Variants in IQANK1 observed in about 807,000 individuals in gnomAD.
IQANK1 encodes IQ motif and ankyrin repeat containing 1.
In IQANK1, 30 loss-of-function variants were observed where a neutral mutation model predicts 22.6. That is an observed-to-expected ratio of 1.33 (90% CI 0.99 to 1.80). The LOEUF (loss-of-function observed/expected upper bound fraction) is 1.80. Among genes scored for constraint, IQANK1 ranks in the 40% most tolerant of loss-of-function variants. The pLI is 0.00. For missense variants in IQANK1, 275 were observed against 235.2 expected, an observed-to-expected ratio of 1.17 and a Z score of -1.11; for synonymous variants, 122 against 99.6, an observed-to-expected ratio of 1.23 and a Z score of -1.34.
chr8:143,778,372 A>G (rs781977120), intron 7 of IQANK1, among the ~76,000 whole-genome samples: 29 of 152,348 alleles, frequency 1.9e-4, no homozygotes, highest in African/African-American at 4.6e-4. Flanking sequence ...TATTAACATC[A>G]AGTAGATTTC....
intron 3 of IQANK1, among the ~76,000 whole-genome samples, chr8:143,760,849 G>T (rs1819381738): frequency 1.3e-5 from 2 of 152,210 alleles, no homozygotes; most frequent in African/African-American, 4.8e-5. Flanking sequence ...GCTCGGCATC[G>T]CGGCGGGGCC....
chr8:143,743,042 C>T lies in IQANK1; in HGVS notation c.175+3094C>T, dbSNP rs1169482758. 1.5e-5 allele frequency: 7 copies of T among 455,906 alleles called. 1 individual carries two copies. Among genetic ancestry groups the T allele is most frequent in the African/African-American group, 4.0e-5 (2 of 50,064 alleles). 28.2% of individuals were successfully genotyped at this position (455,906 alleles called of 1,614,324 possible). On this transcript the variant is annotated intron_variant, in intron 3 of 13. Coordinates refer to ENST00000527139, the MANE Select transcript of IQANK1 (RefSeq NM_001381874.1). ...TTGAGATGCCCAGGAGATGGGGGGG[C>T]CCTGTGCCTGTGTCCCGTTGCTGCT...
rs541431978 is a variant in IQANK1 at position 143,755,319 on chromosome 8, G to A, written c.175+15371G>A. 8.1e-4 allele frequency among the ~76,000 whole-genome samples: 123 copies of A among 152,206 alleles called. 1 individual carries two copies. Among genetic ancestry groups the A allele is most frequent in the African/African-American group, 2.8e-3 (117 of 41,512 alleles). The stretch of plus-strand genomic sequence containing the variant: ...AGCTGGAAAATAAGTTCCTTAGTCC[G>A]CATCAATGTTGTGTATGTTACCATG... On this transcript the variant is annotated intron_variant, in intron 3 of 13. Transcript: ENST00000527139.
At chr8:143,751,670 A>ATATATATATATATATATG (rs1819196209) in intron 3 of IQANK1, among the ~76,000 whole-genome samples, 1 of 137,792 alleles carries the variant, frequency 7.3e-6, no homozygotes, top group Non-Finnish European at 1.6e-5. Flanking sequence ...GTGTGTATAT[A>ATATATATATATATATATG]TATATATAAA....
intron 7 of IQANK1, among the ~76,000 whole-genome samples, chr8:143,788,639 G>A (rs1009454898): frequency 4.6e-5 from 7 of 152,202 alleles, no homozygotes; most frequent in Non-Finnish European, 8.8e-5. Context: ...TGAAGGGGAA[G>A]GAAGCCCTTG....
At chr8:143,778,163 C>G (rs1480995190) in intron 7 of IQANK1, among the ~76,000 whole-genome samples, 1 of 150,922 alleles carries the variant, frequency 6.6e-6, no homozygotes, top group Non-Finnish European at 1.5e-5. Flanking sequence ...CCACTGCACT[C>G]CAGCCTGGGT....
chr8:143,743,598 C>T (rs986096217), intron 3 of IQANK1, among the ~76,000 whole-genome samples: 7 of 152,178 alleles, frequency 4.6e-5, no homozygotes, highest in Admixed American at 4.6e-4. Flanking sequence ...ATTACGATTG[C>T]ACTTGGAAAT....
chr8:143,767,850 A>C (rs1433792440), intron 3 of IQANK1, among the ~76,000 whole-genome samples: 1 of 133,580 alleles, frequency 7.5e-6, no homozygotes, highest in Non-Finnish European at 1.6e-5. Context: ...GAGCCACTGC[A>C]CTCCAGCCTG....
intron 2 of IQANK1, among the ~76,000 whole-genome samples, chr8:143,737,312 G>A (rs564555534): frequency 2.0e-5 from 3 of 152,300 alleles, no homozygotes; most frequent in East Asian, 3.9e-4. Flanking sequence ...CCAGGCCTTC[G>A]CCCTGCACCG....
At chr8:143,765,679 T>C (rs1028449468) in intron 3 of IQANK1, among the ~76,000 whole-genome samples, 3 of 152,258 alleles carry the variant, frequency 2.0e-5, no homozygotes, top group African/African-American at 7.2e-5. Context: ...TTTGGTATGT[T>C]ATTTTTAGAT....
intron 7 of IQANK1, among the ~76,000 whole-genome samples, chr8:143,787,502 A>G (rs1554631493): frequency 6.6e-6 from 1 of 151,776 alleles, no homozygotes; most frequent in African/African-American, 2.4e-5. Context: ...GCAGTTACCC[A>G]AGGCCACGCC....
intron 3 of IQANK1, among the ~76,000 whole-genome samples, chr8:143,768,725 A>T (rs1563775783): frequency 6.6e-6 from 1 of 152,064 alleles, no homozygotes; most frequent in South Asian, 2.1e-4. Flanking sequence ...TTTTGATGCT[A>T]AATATATTAA....
Position 143,789,963 on chromosome 8 carries a change from C to T in IQANK1, c.1196-8C>T, listed in dbSNP as rs1554632006. 9.7e-6 allele frequency: 12 copies of T among 1,232,032 alleles called. No homozygotes were observed. The highest frequency in any genetic ancestry group is 1.2e-5 in the Non-Finnish European group (12 of 988,028). The allele number at this position is 1,232,032 out of a possible 1,614,324, so 76.3% of individuals were successfully genotyped here. A position where few individuals can be genotyped will look rare whatever the true frequency, so the allele number is the denominator to read the frequency against. On this transcript the variant is annotated splice_region_variant and splice_polypyrimidine_tract_variant and intron_variant, in intron 11 of 13. Transcript: ENST00000527139. ...TTGCCTGTCAGCTGCACTCTGCTACCCCGACAGGGGAGGAAGAGGCGCCTG... is the reference window on the plus strand; with the variant it reads ...TTGCCTGTCAGCTGCACTCTGCTACTCCGACAGGGGAGGAAGAGGCGCCTG...
At chr8:143,762,223 C>T (rs1163745787) in intron 3 of IQANK1, among the ~76,000 whole-genome samples, 2 of 151,794 alleles carry the variant, frequency 1.3e-5, no homozygotes, top group Non-Finnish European at 2.9e-5. Context: ...AGGTGGGAAT[C>T]GCTTGAACCC....
In IQANK1 at chr8:143,790,078, G is replaced by A; in HGVS notation, c.1289+14G>A. On this transcript the variant is annotated intron_variant, in intron 12 of 13. Coordinates refer to ENST00000527139, the MANE Select transcript of IQANK1 (RefSeq NM_001381874.1). ...TGCCGATGGCCGGTCAGTTCTCCGG[G>A]CCAGACGTGGGCGATTTGGGGTTTG... 8.1e-7 allele frequency: 1 copy of A among 1,232,130 alleles called. No homozygotes were observed. Among genetic ancestry groups the A allele is most frequent in the Admixed American group, 4.2e-5 (1 of 23,734 alleles). 76.3% of individuals were successfully genotyped at this position (1,232,130 alleles called of 1,614,324 possible). A position where few individuals can be genotyped will look rare whatever the true frequency, so the allele number is the denominator to read the frequency against.
At position 143,771,903 on chromosome 8, in the gene IQANK1, C is replaced by G. The variant is rs1554629822; in HGVS notation, c.409C>G (p.Arg137Gly). ...GCGGCGGGAGGAGCTGCAGCGTCGC[C>G]GCCGCCTGCTGGACGCCGCCTTCGA... ...RERREELQRR[R>G]RLLDAAFDGD... Residue 137 changes from arginine to glycine, a missense_variant, in exon 5 of 14, where the codon CGC becomes GGC. Physicochemically the swap from Arg to Gly is moderately radical, Grantham distance 125. Coordinates refer to ENST00000527139, the MANE Select transcript of IQANK1 (RefSeq NM_001381874.1). This position sits in a 1 kb window ranked among gnomAD's most constrained non-coding sequence, Gnocchi z 6.0. The G allele has an allele frequency of 2.5e-6, 1 of 393,494 alleles. No individual in the cohort carries two copies. The highest frequency in any genetic ancestry group is 4.5e-6 in the Non-Finnish European group (1 of 223,216). 24.4% of individuals were successfully genotyped at this position (393,494 alleles called of 1,614,324 possible).
intron 7 of IQANK1, among the ~76,000 whole-genome samples, chr8:143,788,671 G>A (rs1819942803): frequency 6.6e-6 from 1 of 152,170 alleles, no homozygotes; most frequent in Non-Finnish European, 1.5e-5. Flanking sequence ...ACAGGAGCAG[G>A]TTCCTGCTTG....
intron 7 of IQANK1, among the ~76,000 whole-genome samples, chr8:143,776,350 AAG>A (rs1210348759): frequency 6.6e-6 from 1 of 151,662 alleles, no homozygotes; most frequent in African/African-American, 2.4e-5. Context: ...AAAAAAGAAA[AAG>A]AAAAAAGAAA....
chr8:143,738,419 C>T (rs930891912), intron 2 of IQANK1, among the ~76,000 whole-genome samples: 3 of 152,184 alleles, frequency 2.0e-5, no homozygotes, highest in Non-Finnish European at 2.9e-5. Context: ...CACCGCAGCT[C>T]GGGACTCTGG....
Sources: allele counts gnomAD v4.1 joint callset (sites outside exome capture counted in the v4.1 genomes callset), GRCh38; gene constraint gnomAD v4.1.1; non-coding constraint Gnocchi (gnomAD v3.1); transcripts MANE v1.5; gene names NCBI Gene and HGNC (gene_info 2026-07-23, HGNC 2026-07-21).